Variants in ZRANB3 observed in about 807,000 individuals in gnomAD.
ZRANB3 encodes zinc finger RANBP2-type containing 3, also known as DNA annealing helicase and endonuclease ZRANB3.
In ZRANB3, 125 loss-of-function variants were observed where a neutral mutation model predicts 133.8. The observed-to-expected ratio is 0.93, with a 90% CI of 0.81 to 1.08. The LOEUF is 1.08. ZRANB3 is among the 50% of genes least tolerant of loss of function. The probability of loss-of-function intolerance (pLI) is 0.00; values close to 1 mark genes in which losing one functional copy is unlikely to be tolerated. For missense variants in ZRANB3, 1,229 were observed against 1,275.5 expected (o/e 0.96, Z 0.56); for synonymous variants, 387 against 432.7 (o/e 0.89, Z 1.31).
chr2:135,361,705 A>G (rs1009066064), intron 3 of ZRANB3, among the ~76,000 whole-genome samples: 1 of 152,214 alleles, frequency 6.6e-6, no homozygotes, highest in African/African-American at 2.4e-5. Context: ...CCTTTTAGGT[A>G]TGCTTTTAAA....
At chr2:135,251,938 G>A (rs990401015) in intron 12 of ZRANB3, among the ~76,000 whole-genome samples, 7 of 152,310 alleles carry the variant, frequency 4.6e-5, no homozygotes, top group Admixed American at 3.9e-4. Flanking sequence ...GGGAGGCTGA[G>A]GCAGGAGAAT....
intron 8 of ZRANB3, among the ~76,000 whole-genome samples, chr2:135,283,016 G>A (rs1429071190): frequency 1.3e-5 from 2 of 152,166 alleles, no homozygotes; most frequent in African/African-American, 2.4e-5. Flanking sequence ...CAGACACAGC[G>A]ACACATGTTT....
intron 6 of ZRANB3, among the ~76,000 whole-genome samples, chr2:135,344,804 G>C (rs555660219): frequency 6.6e-6 from 1 of 152,276 alleles, no homozygotes; most frequent in South Asian, 2.1e-4. Context: ...GATATGGAAA[G>C]ATCTACAATA....
chr2:135,484,278 C>T (rs1459313917), intron 2 of ZRANB3, among the ~76,000 whole-genome samples: 2 of 152,060 alleles, frequency 1.3e-5, no homozygotes, highest in African/African-American at 4.8e-5. Context: ...AATAGCCATA[C>T]AAAGAGTATG....
intron 6 of ZRANB3, among the ~76,000 whole-genome samples, chr2:135,318,159 T>A (rs1315921832): frequency 2.0e-5 from 3 of 151,570 alleles, no homozygotes; most frequent in Non-Finnish European, 4.4e-5. Context: ...AATATAAAAA[T>A]TATATTAAAT....
intron 2 of ZRANB3, among the ~76,000 whole-genome samples, chr2:135,455,698 T>A (rs1280081941): frequency 2.0e-5 from 3 of 150,998 alleles, no homozygotes; most frequent in Admixed American, 1.3e-4. Context: ...TTCACACCAT[T>A]CTCCTGCCTC....
chr2:135,455,329 C>T (rs915512919), intron 2 of ZRANB3, among the ~76,000 whole-genome samples: 14 of 151,278 alleles, frequency 9.3e-5, no homozygotes, highest in Non-Finnish European at 1.9e-4. Flanking sequence ...ACTGGGATTA[C>T]AGAAATGTGC....
At position 135,232,107 on chromosome 2, in the gene ZRANB3, T is replaced by A. The variant is rs536958780; in HGVS notation, c.1540-1180A>T. On this transcript the variant is annotated intron_variant, in intron 12 of 20. Coordinates refer to ENST00000264159, the MANE Select transcript of ZRANB3 (RefSeq NM_032143.4). ...CACTCCCACCCTAATACTGCGCTTT[T>A]CCAACGGTCTTAGCAAATGCCACAC... is the stretch of plus-strand genomic sequence containing the variant. 6.1e-4 allele frequency among the ~76,000 whole-genome samples: 93 copies of A among 152,300 alleles called. No homozygotes were observed. In the Middle Eastern group the frequency reaches 0.01, roughly 17 times the overall value.
chr2:135,379,009 C>A (rs1162477477), intron 3 of ZRANB3, among the ~76,000 whole-genome samples: 1 of 151,852 alleles, frequency 6.6e-6, no homozygotes, highest in African/African-American at 2.4e-5. Context: ...ACTGAGAAAA[C>A]CTGCATAAAG....
chr2:135,286,264 T>C (rs1028596708), intron 8 of ZRANB3, among the ~76,000 whole-genome samples: 3 of 152,156 alleles, frequency 2.0e-5, no homozygotes, highest in African/African-American at 4.8e-5. Flanking sequence ...CATTGTATCA[T>C]TCTTACGCCT....
chr2:135,449,077 C>T (rs1447637306), intron 2 of ZRANB3, among the ~76,000 whole-genome samples: 1 of 152,174 alleles, frequency 6.6e-6, no homozygotes, highest in Non-Finnish European at 1.5e-5. Flanking sequence ...AGATAGTCTT[C>T]CCACTTGATC....
rs556995568 is a variant in ZRANB3 at position 135,502,319 on chromosome 2, G to T, written c.161+2010C>A. Among the ~76,000 whole-genome samples the T allele has an allele frequency of 4.6e-5, 7 of 152,236 alleles. No homozygotes were observed. In the East Asian group the frequency reaches 9.7e-4, roughly 21 times the overall value. On this transcript the variant is annotated intron_variant, in intron 2 of 20. Transcript: ENST00000264159. Reference sequence around the variant, plus strand: ...CTAAAATGAATGAATTTTGCTTTATGAACAGCACACTTTTTATTTTCTCAT... The same window carrying T: ...CTAAAATGAATGAATTTTGCTTTATTAACAGCACACTTTTTATTTTCTCAT...
chr2:135,333,825 C>G (rs1370643936), intron 6 of ZRANB3, among the ~76,000 whole-genome samples: 3 of 152,148 alleles, frequency 2.0e-5, no homozygotes, highest in Non-Finnish European at 4.4e-5. Context: ...ACATATTTTA[C>G]TGCAATTGAA....
chr2:135,380,532 T>C (rs538189280), intron 3 of ZRANB3, among the ~76,000 whole-genome samples: 28 of 152,234 alleles, frequency 1.8e-4, no homozygotes, highest in Middle Eastern at 3.4e-3. Flanking sequence ...CACAACTACA[T>C]GGAAACTGAA....
chr2:135,251,939 G>A (rs1471244477), intron 12 of ZRANB3, among the ~76,000 whole-genome samples: 3 of 152,176 alleles, frequency 2.0e-5, no homozygotes, highest in African/African-American at 7.2e-5. Context: ...GGAGGCTGAG[G>A]CAGGAGAATT....
intron 1 of ZRANB3, among the ~76,000 whole-genome samples, chr2:135,505,614 T>G (rs1038901863): frequency 1.3e-5 from 2 of 151,828 alleles, no homozygotes; most frequent in African/African-American, 2.4e-5. Context: ...CTCAATTACA[T>G]GCAGACTTAT....
intron 6 of ZRANB3, among the ~76,000 whole-genome samples, chr2:135,343,240 T>G (rs1684777922): frequency 1.3e-5 from 2 of 148,830 alleles, no homozygotes; most frequent in African/African-American, 5.2e-5. Context: ...ACCTAAGGAC[T>G]TCCAGCACAT....
At chr2:135,335,290 A>G (rs930595553) in intron 6 of ZRANB3, among the ~76,000 whole-genome samples, 2 of 151,988 alleles carry the variant, frequency 1.3e-5, no homozygotes, top group African/African-American at 2.4e-5. Flanking sequence ...TATTCTAGAC[A>G]CTATTCTGGG....
rs1248559232 is a variant in ZRANB3 at position 135,197,700 on chromosome 2, G to A, written c.*2642C>T. 6.6e-6 allele frequency: 1 copy of A among 152,292 alleles called. No homozygotes were observed. Among genetic ancestry groups the A allele is most frequent in the African/African-American group, 2.4e-5 (1 of 41,478 alleles). 9.4% of individuals were successfully genotyped at this position (152,292 alleles called of 1,614,324 possible). ...CTGGCTGTGCAAGGTTTGAGTGTGT[G>A]AGCCCACCATGCTCCGGAAGTCCTC... On this transcript the variant is annotated 3_prime_UTR_variant, in exon 21 of 21. Coordinates refer to ENST00000264159, the MANE Select transcript of ZRANB3 (RefSeq NM_032143.4).
Sources: allele counts gnomAD v4.1 joint callset (sites outside exome capture counted in the v4.1 genomes callset), GRCh38; gene constraint gnomAD v4.1.1; transcripts MANE v1.5; gene names NCBI Gene and HGNC (gene_info 2026-07-23, HGNC 2026-07-21).